The following PACS2 variants were observed in gnomAD, a reference collection of about 807,000 sequenced individuals.
PACS2 encodes PACS1-like protein.
A neutral mutation model predicts 113.0 loss-of-function variants in PACS2; 36 were observed. The observed-to-expected ratio is 0.32, with a 90% CI of 0.24 to 0.42. The LOEUF (loss-of-function observed/expected upper bound fraction) is 0.42. Ranked by LOEUF, PACS2 falls within the 10% of genes least tolerant of loss-of-function variation. The probability of loss-of-function intolerance (pLI) is 1.00; values close to 1 mark genes in which losing one functional copy is unlikely to be tolerated. For missense variants in PACS2, 1,015 were observed against 1,239.5 expected (o/e 0.82, Z 2.72); for synonymous variants, 589 against 536.1 (o/e 1.10, Z -1.36).
intron 1 of PACS2, among the ~76,000 whole-genome samples, chr14:105,320,717 C>T (rs938871399): frequency 6.6e-6 from 1 of 152,216 alleles, no homozygotes; most frequent in Non-Finnish European, 1.5e-5. Flanking sequence ...TGCTTCCTTT[C>T]TTCTGTAGTC....
At chr14:105,327,139 A>G (rs181987025) in intron 1 of PACS2, among the ~76,000 whole-genome samples, 2 of 152,362 alleles carry the variant, frequency 1.3e-5, no homozygotes, top group African/African-American at 4.8e-5. Flanking sequence ...TTGGGCGTGA[A>G]GAACAGCTGC....
chr14:105,381,818 ACCACAATGTGTAGG>A (rs2081005330), intron 12 of PACS2, 82 bp from the exon 13 acceptor site: 2 of 1,168,874 alleles, frequency 1.7e-6, no homozygotes, highest in Non-Finnish European at 2.4e-6. Context: ...CCCTGTCCCC[ACCACAATGTGTAGG>A]CCACTGCAGG....
At chr14:105,379,891 C>T (rs2080919917) in intron 10 of PACS2, 62 bp downstream of exon 10, 4 of 1,507,012 alleles carry the variant, frequency 2.7e-6, no homozygotes, top group Non-Finnish European at 3.7e-6. Context: ...GTGGTGTGGC[C>T]CAAATCTCCC....
rs1555405638 is a variant in PACS2, at chr14:105,358,009, C to T, written c.423+2832C>T. On this transcript the variant is annotated intron_variant, in intron 4 of 24. Transcript: ENST00000447393. This position sits in a 1 kb window ranked among gnomAD's most constrained non-coding sequence, Gnocchi z 4.9. Reference sequence around the variant, plus strand: ...CAGGACCTCCAGGCTGTGGGGAGACCAGGAGGCGATGGCTGTGGGGACACA... The same window carrying T: ...CAGGACCTCCAGGCTGTGGGGAGACTAGGAGGCGATGGCTGTGGGGACACA... Among the ~76,000 whole-genome samples the T allele has an allele frequency of 1.3e-5, 2 of 152,140 alleles. No homozygotes were observed. Among genetic ancestry groups the T allele is most frequent in the Admixed American group, 1.3e-4 (2 of 15,276 alleles).
chr14:105,352,387 C>T lies in PACS2; in HGVS notation c.217C>T (p.Arg73Ter). Residue 73 changes from arginine (R) to a stop codon, truncating the protein, a stop_gained, in exon 3 of 25, where the codon CGA becomes TGA. Coordinates refer to ENST00000447393, the MANE Select transcript of PACS2 (RefSeq NM_001100913.3). LOFTEE classifies it high-confidence loss of function. Reference protein sequence around the residue: ...VIAVKMQGSKRILRSHEIVLP... With the variant: ...VIAVKMQGSK The stretch of plus-strand genomic sequence containing the variant: ...TCTTGCTTAATCACAGGGCTCCAAA[C>T]GAATCCTGCGGTCCCATGAGATTGT... 1 of 1,610,832 alleles carries T rather than the reference C, an allele frequency of 6.2e-7. No individual in the cohort carries two copies. The highest frequency in any genetic ancestry group is 8.5e-7 in the Non-Finnish European group (1 of 1,177,212).
Position 105,357,308 on chromosome 14 carries a change from A to G in PACS2, c.423+2131A>G, listed in dbSNP as rs2060492151. The stretch of plus-strand genomic sequence containing the variant: ...CCAGCCACATCGTCTGCTGCTTGAA[A>G]TCCCATCATCTGTTCTTCACTCTTG... On this transcript the variant is annotated intron_variant, in intron 4 of 24. Transcript: ENST00000447393. The surrounding 1 kb of genome is among the most constrained non-coding windows in gnomAD (Gnocchi z 5.1). 6.6e-6 allele frequency among the ~76,000 whole-genome samples: 1 copy of G among 151,638 alleles called. No homozygotes were observed. Among genetic ancestry groups the G allele is most frequent in the African/African-American group, 2.4e-5 (1 of 41,174 alleles).
At position 105,329,773 on chromosome 14, in the gene PACS2, C is replaced by T. The variant is rs1291925479; in HGVS notation, c.119+14736C>T. On this transcript the variant is annotated intron_variant, in intron 1 of 24. Coordinates refer to ENST00000447393, the MANE Select transcript of PACS2 (RefSeq NM_001100913.3). This position sits in a 1 kb window ranked among gnomAD's most constrained non-coding sequence, Gnocchi z 6.4. ...GGACTGCAGGCAGCAGCAAACTCTG[C>T]CGTGTGGTACTGCTTCTCATGGACA... 6.6e-6 allele frequency among the ~76,000 whole-genome samples: 1 copy of T among 152,176 alleles called. No individual in the cohort carries two copies. Among genetic ancestry groups the T allele is most frequent in the Non-Finnish European group, 1.5e-5 (1 of 68,014 alleles).
intron 1 of PACS2, among the ~76,000 whole-genome samples, chr14:105,318,227 C>T (rs1212350404): frequency 1.3e-5 from 2 of 152,224 alleles, no homozygotes; most frequent in South Asian, 2.1e-4. Flanking sequence ...AAGTGATCCT[C>T]TCACCTCGGC....
At chr14:105,389,471 AC>A (rs1555414323) in intron 19 of PACS2, 2 of 176,750 alleles carry the variant, frequency 1.1e-5, no homozygotes, top group Non-Finnish European at 2.4e-5. Context: ...AAACTTCTGC[AC>A]CCTGGCTTTG....
Position 105,389,873 on chromosome 14 carries a change from G to A in PACS2, c.2034-88G>A, listed in dbSNP as rs376068224. ...GGCAGGGCCGCGGCCCCAGGGCTGC[G>A]CCAGGTTCTCAGGCCAAGAGGGAGC... On this transcript the variant is annotated intron_variant, in intron 19 of 24. Transcript: ENST00000447393. 7.9e-5 allele frequency: 97 copies of A among 1,235,136 alleles called. No individual in the cohort carries two copies. In the African/African-American group the frequency reaches 1.1e-3, roughly 14 times the overall value. The allele number at this position is 1,235,136 out of a possible 1,614,324, so 76.5% of individuals were successfully genotyped here. A position where few individuals can be genotyped will look rare whatever the true frequency, so the allele number is the denominator to read the frequency against.
intron 1 of PACS2, among the ~76,000 whole-genome samples, chr14:105,339,363 C>T (rs1021903407): frequency 2.0e-5 from 3 of 151,764 alleles, no homozygotes; most frequent in Non-Finnish European, 4.4e-5. Context: ...AAAAATTAGC[C>T]GGGTGTGGTG....
chr14:105,380,250 G>C, intron 11 of PACS2, 96 bp downstream of exon 11: 1 of 1,010,480 alleles, frequency 9.9e-7, no homozygotes, highest in Non-Finnish European at 1.5e-6. Flanking sequence ...CCCACATATA[G>C]GTCCTCATGT....
Position 105,317,839 on chromosome 14 carries a change from G to A in PACS2, c.119+2802G>A, listed in dbSNP as rs941582349. Among the ~76,000 whole-genome samples, 10 of 152,170 alleles carry A rather than the reference G, an allele frequency of 6.6e-5. No individual in the cohort carries two copies. The highest frequency in any genetic ancestry group is 2.1e-4 in the South Asian group (1 of 4,828). The stretch of plus-strand genomic sequence containing the variant: ...TCGGTTCTCCTTCTGGGAGGCAGCC[G>A]GAGAAGTCTGCCCCCGGGAGCTTGA... On this transcript the variant is annotated intron_variant, in intron 1 of 24. Coordinates refer to ENST00000447393, the MANE Select transcript of PACS2 (RefSeq NM_001100913.3). This position sits in a 1 kb window ranked among gnomAD's most constrained non-coding sequence, Gnocchi z 4.2.
At chr14:105,319,556 A>G (rs2058809173) in intron 1 of PACS2, among the ~76,000 whole-genome samples, 1 of 152,236 alleles carries the variant, frequency 6.6e-6, no homozygotes, top group South Asian at 2.1e-4. Flanking sequence ...CAGTGATTTT[A>G]CTATTTTTAA....
rs77365937 is a variant in PACS2 at position 105,355,237 on chromosome 14, G to A, written c.423+60G>A. The A allele has an allele frequency of 3.2e-4, 499 of 1,561,018 alleles. 3 individuals are homozygous for A. In the East Asian group the frequency reaches 0.011, roughly 34 times the overall value. The stretch of plus-strand genomic sequence containing the variant: ...TGGCCACCTGGGTGCCAGAGCATTC[G>A]CCCGTGGGAGATGGAGATGTCTCTC... On this transcript the variant is annotated intron_variant, in intron 4 of 24. Transcript: ENST00000447393. This position sits in a 1 kb window ranked among gnomAD's most constrained non-coding sequence, Gnocchi z 4.1.
chr14:105,362,294 T>G (rs1466726707), intron 4 of PACS2, among the ~76,000 whole-genome samples: 6 of 151,164 alleles, frequency 4.0e-5, no homozygotes, highest in African/African-American at 7.3e-5. Flanking sequence ...GGCGGGCGCC[T>G]GTAGTCCCAG....
chr14:105,327,686 A>G (rs1358022056), intron 1 of PACS2, among the ~76,000 whole-genome samples: 1 of 152,216 alleles, frequency 6.6e-6, no homozygotes, highest in East Asian at 1.9e-4. Context: ...CTGGTGGGCT[A>G]TCGAAGGTTT....
rs587655040 is a variant in PACS2 at position 105,329,125 on chromosome 14, C to G, written c.119+14088C>G. 6.4e-4 allele frequency among the ~76,000 whole-genome samples: 98 copies of G among 152,294 alleles called. No individual in the cohort carries two copies. The highest frequency in any genetic ancestry group is 2.3e-3 in the African/African-American group (96 of 41,538). ...CCTGCGCCCTGGAGGCCAGCATGGC[C>G]CTGGTGCTGGCTACATCCTCTGGGG... On this transcript the variant is annotated intron_variant, in intron 1 of 24. Coordinates refer to ENST00000447393, the MANE Select transcript of PACS2 (RefSeq NM_001100913.3). This position sits in a 1 kb window ranked among gnomAD's most constrained non-coding sequence, Gnocchi z 6.4.
chr14:105,313,186 C>G (rs1338475792), upstream of PACS2, among the ~76,000 whole-genome samples: 2 of 152,216 alleles, frequency 1.3e-5, no homozygotes, highest in African/African-American at 4.8e-5. Flanking sequence ...ATGTGTCAGG[C>G]GGCCCATCCG....
Sources: allele counts gnomAD v4.1 joint callset (sites outside exome capture counted in the v4.1 genomes callset), GRCh38; gene constraint gnomAD v4.1.1; non-coding constraint Gnocchi (gnomAD v3.1); transcripts MANE v1.5; gene names NCBI Gene and HGNC (gene_info 2026-07-23, HGNC 2026-07-21).